Variants in MAST4 observed in about 807,000 individuals in gnomAD.
The protein encoded by MAST4 is microtubule associated serine/threonine kinase family member 4, also known as microtubule-associated serine/threonine-protein kinase 4.
Under a neutral mutation model 162.7 loss-of-function variants are expected in MAST4, and 89 were observed. The observed-to-expected ratio is 0.55, with a 90% CI of 0.46 to 0.65. MAST4 has a LOEUF of 0.65. Ranked by LOEUF, MAST4 falls within the 30% of genes least tolerant of loss-of-function variation. MAST4 has a pLI of 0.00. For missense variants in MAST4, 3,153 were observed against 3,374.0 expected (o/e 0.93, Z 1.62); for synonymous variants, 1,479 against 1,361.1 (o/e 1.09, Z -1.91).
In MAST4 at chr5:67,164,566, C is replaced by T. The variant is rs1199625891; in HGVS notation, c.5387C>T (p.Ser1796Leu). ...TATAAGCTGGAAGGTAGGTCTGTCT[C>T]ATGCCTGAAGCCGATCGAGGGCACT... ...SEYKLEGRSV[S>L]CLKPIEGTLD... Residue 1796 changes from serine (S) to leucine (L), a missense_variant, in exon 29 of 29, where the codon TCA becomes TTA. Coordinates refer to ENST00000403625, the MANE Select transcript of MAST4 (RefSeq NM_001164664.2). This position sits in a 1 kb window ranked among gnomAD's most constrained non-coding sequence, Gnocchi z 5.3. The T allele has an allele frequency of 3.7e-6, 6 of 1,613,880 alleles. No homozygotes were observed. The highest frequency in any genetic ancestry group is 1.6e-4 in the Middle Eastern group (1 of 6,084).
chr5:66,698,538 C>T (rs550198862), intron 1 of MAST4, among the ~76,000 whole-genome samples: 1 of 152,096 alleles, frequency 6.6e-6, no homozygotes, highest in South Asian at 2.1e-4. Context: ...TGGCTCTCTC[C>T]TCCATCTGGA....
chr5:66,761,013 C>A (rs547621869), intron 2 of MAST4, among the ~76,000 whole-genome samples: 42 of 152,138 alleles, frequency 2.8e-4, no homozygotes, highest in Middle Eastern at 3.4e-3. Context: ...AAAATTGTGC[C>A]ATTTTACATT....
At chr5:67,054,316 C>T in intron 4 of MAST4, 88 bp from the exon 5 acceptor site, 8 of 1,095,058 alleles carry the variant, frequency 7.3e-6, no homozygotes, top group South Asian at 3.2e-5. Context: ...ATAGGTTGCT[C>T]AACCTGGTCC....
At chr5:66,854,162 T>TA (rs1342390103) in intron 3 of MAST4, among the ~76,000 whole-genome samples, 1 of 152,184 alleles carries the variant, frequency 6.6e-6, no homozygotes, top group Non-Finnish European at 1.5e-5. Context: ...GCTGGTGTCA[T>TA]TTTTAAAAGT....
intron 2 of MAST4, among the ~76,000 whole-genome samples, chr5:66,768,578 C>A (rs1754215402): frequency 6.6e-6 from 1 of 152,066 alleles, no homozygotes; most frequent in Admixed American, 6.5e-5. Context: ...AACATTCTTA[C>A]AATGATAAAA....
chr5:67,099,002 CT>C (rs1379620444), intron 7 of MAST4, among the ~76,000 whole-genome samples: 1 of 152,064 alleles, frequency 6.6e-6, no homozygotes, highest in Non-Finnish European at 1.5e-5. Context: ...TTACTGTAAA[CT>C]TAGGAACAAA....
intron 3 of MAST4, among the ~76,000 whole-genome samples, chr5:66,817,797 GA>G (rs1204671270): frequency 6.6e-6 from 1 of 152,172 alleles, no homozygotes; most frequent in Non-Finnish European, 1.5e-5. Flanking sequence ...GAATATAAAT[GA>G]ATGAGCTGGG....
chr5:66,622,365 A>G (rs1257288003), intron 1 of MAST4, among the ~76,000 whole-genome samples: 2 of 151,282 alleles, frequency 1.3e-5, no homozygotes, highest in Non-Finnish European at 2.9e-5. Context: ...ATGAGATCAA[A>G]GGCTAGGAAT....
At chr5:66,812,992 G>GTTTC (rs1756550082) in intron 3 of MAST4, among the ~76,000 whole-genome samples, 1 of 152,168 alleles carries the variant, frequency 6.6e-6, no homozygotes, top group South Asian at 2.1e-4. Flanking sequence ...GAAACACATG[G>GTTTC]TTTCCAGCTC....
intron 5 of MAST4, among the ~76,000 whole-genome samples, chr5:67,078,927 T>TAATATATATATAATATATATATATATA (rs1554093935): frequency 3.6e-5 from 3 of 84,288 alleles, no homozygotes; most frequent in African/African-American, 1.7e-4. Context: ...TATATATATA[T>TAATATATATATAATATATATATATATA]ATATATATAT....
chr5:66,988,050 A>G (rs1749705639), intron 4 of MAST4, among the ~76,000 whole-genome samples: 1 of 152,228 alleles, frequency 6.6e-6, no homozygotes, highest in African/African-American at 2.4e-5. Flanking sequence ...ACTGGCCTAA[A>G]GCTGACTTTT....
intron 3 of MAST4, among the ~76,000 whole-genome samples, chr5:66,803,939 C>T (rs1166137122): frequency 6.8e-6 from 1 of 146,996 alleles, no homozygotes; most frequent in Non-Finnish European, 1.5e-5. Context: ...ATGCTATGGG[C>T]TTTTTTTTTT....
chr5:67,033,315 C>CTGTGTGTGTGTG (rs146627241), intron 4 of MAST4, among the ~76,000 whole-genome samples: 4,192 of 125,850 alleles, frequency 0.033, 98 homozygotes, highest in African/African-American at 0.052. Context: ...TTTCATTTCT[C>CTGTGTGTGTGTG]TGTGTGTGTG....
chr5:66,830,582 T>C (rs573170810), intron 3 of MAST4, among the ~76,000 whole-genome samples: 1 of 152,220 alleles, frequency 6.6e-6, no homozygotes, highest in Non-Finnish European at 1.5e-5. Flanking sequence ...GTCTTCATGC[T>C]GTGAAAAATA....
intron 4 of MAST4, among the ~76,000 whole-genome samples, chr5:66,930,237 A>G (rs1742036572): frequency 6.6e-6 from 1 of 152,192 alleles, no homozygotes; most frequent in Non-Finnish European, 1.5e-5. Flanking sequence ...ATCTAATACC[A>G]TAGATAGTGT....
chr5:67,161,298 A>C (rs1773155221), intron 27 of MAST4, among the ~76,000 whole-genome samples: 1 of 152,148 alleles, frequency 6.6e-6, no homozygotes, highest in Admixed American at 6.6e-5. Context: ...AAAAACAAGC[A>C]AACGAAAAGC....
chr5:66,901,032 G>A (rs458041), intron 4 of MAST4, among the ~76,000 whole-genome samples: 81,575 of 151,934 alleles, frequency 0.54, 22,306 homozygotes, highest in Middle Eastern at 0.61. Flanking sequence ...ATAGTTTGCT[G>A]TAGGAAATGG....
chr5:66,664,118 T>G (rs886349377), intron 1 of MAST4, among the ~76,000 whole-genome samples: 3 of 152,000 alleles, frequency 2.0e-5, no homozygotes, highest in African/African-American at 7.2e-5. Flanking sequence ...TGTGGAAGAT[T>G]GCTAGAAGAG....
chr5:67,100,414 C>T, intron 7 of MAST4, 21 bp from the exon 8 acceptor site: 3 of 1,613,384 alleles, frequency 1.9e-6, no homozygotes, highest in Non-Finnish European at 2.5e-6. Context: ...AGTTATGTGA[C>T]CTCACTTTGG....
Sources: allele counts gnomAD v4.1 joint callset (sites outside exome capture counted in the v4.1 genomes callset), GRCh38; gene constraint gnomAD v4.1.1; non-coding constraint Gnocchi (gnomAD v3.1); transcripts MANE v1.5; gene names NCBI Gene and HGNC (gene_info 2026-07-23, HGNC 2026-07-21).